Variants in ANK3 observed in about 807,000 individuals in gnomAD.
The protein encoded by ANK3 is ankyrin-3.
ANK3 carries 57 observed loss-of-function variants against 370.9 expected under a neutral mutation model. The ratio of observed to expected loss-of-function variants is 0.15; its 90% CI spans 0.12 to 0.19. The LOEUF (loss-of-function observed/expected upper bound fraction) is 0.19. ANK3 is among the 10% of genes least tolerant of loss of function. ANK3 has a pLI of 1.00. For missense variants in ANK3, 4,439 were observed against 5,302.1 expected (o/e 0.84, Z 5.06); for synonymous variants, 1,929 against 1,946.3 (o/e 0.99, Z 0.23).
chr10:60,071,796 G>T lies in ANK3; in HGVS notation c.9085C>A (p.Gln3029Lys), dbSNP rs1200688625. The change falls in exon 37 of 44, where the codon CAG becomes AAG. Residue 3029 changes from glutamine (Q) to lysine (K), a missense_variant. By Grantham distance (53) the Gln-to-Lys change is moderately conservative. This residue lies in a region of ANK3 where 1,601 missense variants were observed against 1,731.7 expected (regional missense o/e 0.92). Transcript: ENST00000280772. ...GGTGGGCATAAACCTACATAACTCTGGTGTTTGGAAACTTTGCTGATTTCT... is the reference window on the plus strand; with the variant it reads ...GGTGGGCATAAACCTACATAACTCTTGTGTTTGGAAACTTTGCTGATTTCT... ...YSEISKVSKH[Q>K]SYVGLCPPLE... The T allele has an allele frequency of 6.2e-7, 1 of 1,608,832 alleles. No individual in the cohort carries two copies. The highest frequency in any genetic ancestry group is 8.5e-7 in the Non-Finnish European group (1 of 1,177,532).
chr10:60,409,977 G>A (rs1355536447), intron 2 of ANK3, among the ~76,000 whole-genome samples: 13 of 152,126 alleles, frequency 8.5e-5, no homozygotes, highest in South Asian at 4.2e-4. Context: ...CTCCATAGGT[G>A]CATCCCCTCT....
At chr10:60,201,898 T>G (rs1296681130) in intron 12 of ANK3, among the ~76,000 whole-genome samples, 1 of 151,926 alleles carries the variant, frequency 6.6e-6, no homozygotes, top group African/African-American at 2.4e-5. Flanking sequence ...GTATTTTTAG[T>G]AGAGACAGGT....
At chr10:60,512,173 T>TCCCAGAAGTCAGGGAAGTAAATAAAA (rs933177381) in intron 2 of ANK3, among the ~76,000 whole-genome samples, 3 of 151,956 alleles carry the variant, frequency 2.0e-5, no homozygotes, top group African/African-American at 7.3e-5. Context: ...CATTTTCATC[T>TCCCAGAAGTCAGGGAAGTAAATAAAA]CCCAGAAGTC....
intron 2 of ANK3, among the ~76,000 whole-genome samples, chr10:60,478,761 AG>A (rs1296056577): frequency 1.3e-5 from 2 of 152,100 alleles, no homozygotes; most frequent in African/African-American, 4.8e-5. Context: ...GGAGCATCTT[AG>A]TGGTTAACAG....
At chr10:60,253,697 T>C (rs1470716064) in intron 7 of ANK3, among the ~76,000 whole-genome samples, 1 of 152,210 alleles carries the variant, frequency 6.6e-6, no homozygotes, top group Non-Finnish European at 1.5e-5. Context: ...CATGGCTACT[T>C]TCCCATAACT....
rs148031952 is a variant in ANK3 at position 60,671,985 on chromosome 10, C to T, written c.58-56761G>A. On this transcript the variant is annotated intron_variant, in intron 1 of 43. Coordinates refer to the ANK3 transcript ENST00000373827. ...AGCAACTTAGTGAGAGATCATGAAT[C>T]GGAAACCCCTAACTGAGCTGCTCCT... Among the ~76,000 whole-genome samples, 53 of 152,318 alleles carry T rather than the reference C, an allele frequency of 3.5e-4. 1 individual carries two copies. In the East Asian group the frequency reaches 9.5e-3, roughly 27 times the overall value.
At chr10:60,607,780 A>G (rs115854167) in intron 2 of ANK3, among the ~76,000 whole-genome samples, 9 of 152,340 alleles carry the variant, frequency 5.9e-5, no homozygotes, top group African/African-American at 1.9e-4. Flanking sequence ...ATGGTGGGAC[A>G]TAGGAGGTAG....
chr10:60,584,823 C>A (rs569515449), intron 2 of ANK3, among the ~76,000 whole-genome samples: 1 of 152,132 alleles, frequency 6.6e-6, no homozygotes, highest in Non-Finnish European at 1.5e-5. Flanking sequence ...CATTCCCAAT[C>A]CAGTTTGACG....
chr10:60,597,785 A>G (rs963610777), intron 2 of ANK3, among the ~76,000 whole-genome samples: 1 of 152,162 alleles, frequency 6.6e-6, no homozygotes, highest in Non-Finnish European at 1.5e-5. Flanking sequence ...GGAGAATAAA[A>G]TCTCCTTGAG....
At chr10:60,503,330 T>C (rs531909628) in intron 2 of ANK3, among the ~76,000 whole-genome samples, 1 of 152,280 alleles carries the variant, frequency 6.6e-6, no homozygotes, top group African/African-American at 2.4e-5. Context: ...CAATCAATAA[T>C]AAAACAGTAG....
At chr10:60,680,778 AC>A (rs1454378247) in intron 1 of ANK3, among the ~76,000 whole-genome samples, 12 of 152,194 alleles carry the variant, frequency 7.9e-5, no homozygotes, top group African/African-American at 2.4e-4. Context: ...TGGGTCTTGG[AC>A]CAGTCTGCCT....
chr10:60,554,999 C>G (rs1003650437), intron 2 of ANK3, among the ~76,000 whole-genome samples: 1 of 151,978 alleles, frequency 6.6e-6, no homozygotes, highest in Admixed American at 6.6e-5. Flanking sequence ...CTTTGTAATT[C>G]TTTTGTTTTA....
At chr10:60,176,605 T>C (rs1022707708) in intron 18 of ANK3, among the ~76,000 whole-genome samples, 4 of 151,402 alleles carry the variant, frequency 2.6e-5, no homozygotes, top group Admixed American at 2.0e-4. Flanking sequence ...CTACTAAAAA[T>C]ACAAAAAATT....
At chr10:60,694,585 C>T (rs1453126035) in intron 1 of ANK3, among the ~76,000 whole-genome samples, 1 of 151,986 alleles carries the variant, frequency 6.6e-6, no homozygotes, top group East Asian at 1.9e-4. Flanking sequence ...AGAGTGGGGG[C>T]CAATATTCAA....
At chr10:60,731,213 T>C (rs2080017882) in intron 1 of ANK3, among the ~76,000 whole-genome samples, 1 of 152,004 alleles carries the variant, frequency 6.6e-6, no homozygotes, top group Non-Finnish European at 1.5e-5. Flanking sequence ...TTTAAACTCA[T>C]GAACACTGTA....
chr10:60,100,831 A>G (rs574901734), intron 28 of ANK3, among the ~76,000 whole-genome samples: 3 of 152,366 alleles, frequency 2.0e-5, no homozygotes, highest in African/African-American at 4.8e-5. Flanking sequence ...AGATATGTAA[A>G]ACAAAGCATA....
chr10:60,143,549 T>C (rs1216945460), intron 23 of ANK3, among the ~76,000 whole-genome samples: 1 of 152,204 alleles, frequency 6.6e-6, no homozygotes, highest in Non-Finnish European at 1.5e-5. Flanking sequence ...AGGAGCTGTG[T>C]AGGTTTATGT....
intron 43 of ANK3, among the ~76,000 whole-genome samples, chr10:60,030,384 C>T (rs2073178587): frequency 1.3e-5 from 2 of 152,076 alleles, no homozygotes; most frequent in Non-Finnish European, 2.9e-5. Flanking sequence ...CCTCGTGAGC[C>T]GCCCACCTTG....
chr10:60,246,547 C>A (rs1002927051), intron 7 of ANK3, among the ~76,000 whole-genome samples: 3 of 152,198 alleles, frequency 2.0e-5, no homozygotes, highest in Non-Finnish European at 4.4e-5. Context: ...GAGAGACCAA[C>A]TAATCCCATT....
Sources: allele counts gnomAD v4.1 joint callset (sites outside exome capture counted in the v4.1 genomes callset), GRCh38; gene constraint gnomAD v4.1.1; regional missense constraint gnomAD v4.1.1; transcripts MANE v1.5; gene names NCBI Gene and HGNC (gene_info 2026-07-23, HGNC 2026-07-21).